AP3B1: variants seen among roughly 807,000 people sequenced by gnomAD.
The protein encoded by AP3B1 is AP-3 complex subunit beta-1.
AP3B1 carries 61 observed loss-of-function variants against 132.5 expected under a neutral mutation model. That is an observed-to-expected ratio of 0.46 (90% confidence interval 0.37 to 0.57). The LOEUF is 0.57. Among genes scored for constraint, AP3B1 ranks in the 20% least tolerant of loss-of-function variants. AP3B1 has a pLI of 0.00. For missense variants in AP3B1, 1,120 were observed against 1,289.4 expected, an observed-to-expected ratio of 0.87 and a Z score of 2.01; for synonymous variants, 388 against 438.3, an observed-to-expected ratio of 0.89 and a Z score of 1.43.
chr5:78,184,518 C>T (rs1386400706), intron 7 of AP3B1, among the ~76,000 whole-genome samples: 1 of 151,690 alleles, frequency 6.6e-6, no homozygotes, highest in Non-Finnish European at 1.5e-5. Context: ...AACCCCGCCT[C>T]TACTAAAAAA....
intron 25 of AP3B1, among the ~76,000 whole-genome samples, chr5:78,016,737 T>C (rs1043667237): frequency 6.6e-6 from 1 of 152,130 alleles, no homozygotes; most frequent in Non-Finnish European, 1.5e-5. Flanking sequence ...ATCTAGCTTC[T>C]AACAACAAGC....
intron 7 of AP3B1, among the ~76,000 whole-genome samples, chr5:78,186,595 TA>T (rs1744616642): frequency 6.6e-6 from 1 of 152,188 alleles, no homozygotes; most frequent in South Asian, 2.1e-4. Flanking sequence ...GAAAATTGAG[TA>T]AAGGTTATGC....
chr5:78,239,861 TTAAG>T (rs1309001341), intron 3 of AP3B1, among the ~76,000 whole-genome samples: 1 of 152,110 alleles, frequency 6.6e-6, no homozygotes, highest in African/African-American at 2.4e-5. Context: ...TCACATTTAG[TTAAG>T]TAATATTTAA....
At chr5:78,126,863 C>T (rs1016525659) in intron 17 of AP3B1, among the ~76,000 whole-genome samples, 6 of 152,170 alleles carry the variant, frequency 3.9e-5, no homozygotes, top group African/African-American at 1.4e-4. Context: ...GCCATGTGAA[C>T]TTAGGCGATT....
At chr5:78,073,646 A>C (rs866723664) in intron 22 of AP3B1, among the ~76,000 whole-genome samples, 7 of 152,230 alleles carry the variant, frequency 4.6e-5, no homozygotes, top group Non-Finnish European at 1.0e-4. Context: ...AAACTGCCAT[A>C]AAAGATGAAT....
chr5:78,157,897 C>A (rs751237765), intron 13 of AP3B1, among the ~76,000 whole-genome samples: 13 of 151,876 alleles, frequency 8.6e-5, no homozygotes, highest in African/African-American at 3.1e-4. Flanking sequence ...TTTACAGGCG[C>A]GCGCCACCAC....
intron 3 of AP3B1, among the ~76,000 whole-genome samples, chr5:78,229,120 C>T (rs565550825): frequency 1.3e-5 from 2 of 151,932 alleles, no homozygotes; most frequent in Admixed American, 6.6e-5. Context: ...TTTATAGAGA[C>T]GGGGTCTTCC....
Position 78,065,524 on chromosome 5 carries a change from C to A in AP3B1, c.2577+23869G>T, listed in dbSNP as rs998521335. On this transcript the variant is annotated intron_variant, in intron 22 of 26. Transcript: ENST00000255194. ...TGGACCCCGGAGGAATTTTCCACAGCGCAGCACAGTGGCTGTGGCAGATCA... is the reference window on the plus strand; with the variant it reads ...TGGACCCCGGAGGAATTTTCCACAGAGCAGCACAGTGGCTGTGGCAGATCA... Among the ~76,000 whole-genome samples, 164 of 152,288 alleles carry A rather than the reference C, an allele frequency of 1.1e-3. 4 individuals are homozygous for A. The highest frequency in any genetic ancestry group is 0.011 in the Admixed American group (163 of 15,304).
intron 11 of AP3B1, among the ~76,000 whole-genome samples, chr5:78,168,719 G>A (rs1032014572): frequency 3.3e-5 from 5 of 152,078 alleles, no homozygotes; most frequent in African/African-American, 1.2e-4. Flanking sequence ...AAGAAAATCA[G>A]GTCATTAAAC....
chr5:78,186,665 C>T (rs546390497), intron 7 of AP3B1, among the ~76,000 whole-genome samples: 1 of 152,216 alleles, frequency 6.6e-6, no homozygotes, highest in South Asian at 2.1e-4. Context: ...CTTTTAAAAA[C>T]CATTTAATTG....
chr5:78,024,352 A>C (rs966812497), intron 24 of AP3B1, among the ~76,000 whole-genome samples: 4 of 151,728 alleles, frequency 2.6e-5, no homozygotes, highest in Non-Finnish European at 4.4e-5. Context: ...ATAGGCAAAA[A>C]CCCTATTAAT....
chr5:78,165,641 G>A lies in AP3B1; in HGVS notation c.1199C>T (p.Ala400Val), dbSNP rs774695590. ...LEILTNLANE[A>V]NISTLLREFQ... Reference sequence around the variant, plus strand: ...TTCTCGAAGAAGAGTTGATATGTTGGCTTCATTTGCCAAGTTTGTCAAAAT... The same window carrying A: ...TTCTCGAAGAAGAGTTGATATGTTGACTTCATTTGCCAAGTTTGTCAAAAT... The change falls in exon 12 of 27, where the codon GCC (alanine) becomes GTC (valine). Residue 400 changes from alanine to valine, a missense_variant. Ala to Val is a moderately conservative substitution (Grantham distance 64). Coordinates refer to ENST00000255194, the MANE Select transcript of AP3B1 (RefSeq NM_003664.5). The A allele has an allele frequency of 5.0e-6, 8 of 1,609,506 alleles. No individual in the cohort carries two copies. The highest frequency in any genetic ancestry group is 5.9e-6 in the Non-Finnish European group (7 of 1,176,962).
At chr5:78,260,014 A>G (rs533769786) in intron 2 of AP3B1, among the ~76,000 whole-genome samples, 168 of 152,024 alleles carry the variant, frequency 1.1e-3, no homozygotes, top group African/African-American at 3.9e-3. Flanking sequence ...AATTAAAAGA[A>G]ATAAAAATTA....
intron 24 of AP3B1, among the ~76,000 whole-genome samples, chr5:78,025,715 C>T (rs1747314713): frequency 6.6e-6 from 1 of 152,200 alleles, no homozygotes; most frequent in African/African-American, 2.4e-5. Flanking sequence ...GAAGACCTTA[C>T]TGTCCTGAAG....
chr5:78,053,947 T>C (rs892381831), intron 22 of AP3B1, among the ~76,000 whole-genome samples: 1 of 152,182 alleles, frequency 6.6e-6, no homozygotes, highest in Non-Finnish European at 1.5e-5. Context: ...TATACAGATT[T>C]GAGCTGAAAT....
At chr5:78,041,327 T>A (rs1325893137) in intron 22 of AP3B1, among the ~76,000 whole-genome samples, 1 of 150,692 alleles carries the variant, frequency 6.6e-6, no homozygotes, top group Non-Finnish European at 1.5e-5. Flanking sequence ...GAGGCCGAGG[T>A]AGGAGGATCA....
intron 14 of AP3B1, among the ~76,000 whole-genome samples, chr5:78,151,652 A>G (rs1425765527): frequency 1.3e-5 from 2 of 152,186 alleles, no homozygotes; most frequent in East Asian, 3.8e-4. Context: ...ATGATGAATC[A>G]CACTGATTGA....
At chr5:78,118,609 G>A (rs927124188) in intron 17 of AP3B1, among the ~76,000 whole-genome samples, 6 of 152,198 alleles carry the variant, frequency 3.9e-5, no homozygotes, top group East Asian at 1.9e-4. Flanking sequence ...ACTGCAAGGC[G>A]GCAGTGAGGC....
chr5:78,230,857 C>T (rs961417839), intron 3 of AP3B1, among the ~76,000 whole-genome samples: 1 of 152,138 alleles, frequency 6.6e-6, no homozygotes, highest in Non-Finnish European at 1.5e-5. Flanking sequence ...GTGGCTCACA[C>T]CTGTAATCCC....
Sources: gnomAD v4.1 joint callset for allele counts (sites outside exome capture counted in the v4.1 genomes callset) on GRCh38, gnomAD v4.1.1 for gene constraint, MANE v1.5 for transcripts, NCBI Gene and HGNC (gene_info 2026-07-23, HGNC 2026-07-21) for gene names.